ANKRD44: variants seen among roughly 807,000 people sequenced by gnomAD.
ANKRD44 encodes ankyrin repeat domain 44, also known as serine/threonine-protein phosphatase 6 regulatory ankyrin repeat subunit B.
A neutral mutation model predicts 116.0 loss-of-function variants in ANKRD44; 35 were observed. That is an observed-to-expected ratio of 0.30 (90% CI 0.23 to 0.40). The LOEUF (loss-of-function observed/expected upper bound fraction) is 0.40. Among genes scored for constraint, ANKRD44 ranks in the 10% least tolerant of loss-of-function variants. The probability of loss-of-function intolerance (pLI) is 1.00; values close to 1 mark genes in which losing one functional copy is unlikely to be tolerated. For synonymous variants in ANKRD44, 435 were observed against 461.8 expected (o/e 0.94, Z 0.74); for missense variants, 1,014 against 1,242.6 (o/e 0.82, Z 2.77).
intron 1 of ANKRD44, among the ~76,000 whole-genome samples, chr2:197,188,452 C>T (rs929635046): frequency 6.6e-6 from 1 of 152,162 alleles, no homozygotes; most frequent in Non-Finnish European, 1.5e-5. Context: ...GGAACAGTGG[C>T]AGGCTTTAGG....
At chr2:197,044,824 A>C (rs1303821668) in intron 16 of ANKRD44, among the ~76,000 whole-genome samples, 4 of 152,162 alleles carry the variant, frequency 2.6e-5, no homozygotes, top group African/African-American at 7.2e-5. Flanking sequence ...ATTCCTAGCA[A>C]TTCCATAAAA....
chr2:197,083,344 G>A (rs776173246), intron 14 of ANKRD44, 25 bp downstream of exon 14: 27 of 1,602,852 alleles, frequency 1.7e-5, no homozygotes, highest in Non-Finnish European at 1.2e-5. Context: ...GTTCCCAGAG[G>A]AAGCATGAGC....
chr2:197,238,963 C>T (rs932695241), intron 1 of ANKRD44, among the ~76,000 whole-genome samples: 2 of 152,114 alleles, frequency 1.3e-5, no homozygotes, highest in African/African-American at 2.4e-5. Flanking sequence ...TCCTGGCCCC[C>T]CAACCCGCCT....
chr2:196,986,639 A>C, downstream of ANKRD44: 1 of 920,188 alleles, frequency 1.1e-6, no homozygotes, highest in Non-Finnish European at 1.3e-6. Flanking sequence ...AAAAAGCATA[A>C]ATTGGAAAAA....
rs575453018 is a variant in ANKRD44 at position 197,125,677 on chromosome 2, T to A, written c.462+160A>T. 9.5e-4 allele frequency among the ~76,000 whole-genome samples: 145 copies of A among 152,362 alleles called. 1 individual carries two copies. The highest frequency in any genetic ancestry group is 3.2e-3 in the African/African-American group (135 of 41,586). ...CTGAAGTGACAGCCTACTTTTTCAA[T>A]TCATTGTGGCTCTAAAGTTGAGAAT... On this transcript the variant is annotated intron_variant, in intron 5 of 27. Coordinates refer to ENST00000282272, the MANE Select transcript of ANKRD44 (RefSeq NM_001195144.2).
At chr2:197,125,768 G>T in intron 5 of ANKRD44, 69 bp downstream of exon 5, 1 of 1,485,000 alleles carries the variant, frequency 6.7e-7, no homozygotes, top group Middle Eastern at 2.4e-4. Context: ...TCAGCAAGAA[G>T]ATCAGTTTCC....
At chr2:197,274,000 T>TCTATATAG (rs2082998020) in intron 1 of ANKRD44, among the ~76,000 whole-genome samples, 1 of 54,416 alleles carries the variant, frequency 1.8e-5, no homozygotes, top group Non-Finnish European at 3.2e-5. Context: ...TATATATATA[T>TCTATATAG]ATATATATAT....
intron 2 of ANKRD44, 92 bp from the exon 3 acceptor site, chr2:197,147,197 G>T: frequency 1.0e-6 from 1 of 1,001,438 alleles, no homozygotes; most frequent in Non-Finnish European, 1.6e-6. Flanking sequence ...TCACTCTGTG[G>T]TTAATGCATG....
chr2:197,122,787 A>C lies in ANKRD44; in HGVS notation c.556T>G (p.Leu186Val), dbSNP rs149911033. The C allele has an allele frequency of 2.0e-4, 325 of 1,612,804 alleles. 1 individual carries two copies. Among genetic ancestry groups the C allele is most frequent in the Non-Finnish European group, 2.5e-4 (294 of 1,179,576 alleles). ...TTAATGAGCAATGCTACAACATCCA[A>C]GTGGCCTTTACAAACAAAGCAGCAG... The part of the protein sequence containing the change: ...ALHWAAYMGH[L>V]DVVALLINHG... The change falls in exon 7 of 28, where the codon TTG becomes GTG. Residue 186 changes from leucine to valine, a missense_variant. By Grantham distance (32) the Leu-to-Val change is conservative. Coordinates refer to ENST00000282272, the MANE Select transcript of ANKRD44 (RefSeq NM_001195144.2).
chr2:197,284,030 G>A (rs527452699), intron 1 of ANKRD44, among the ~76,000 whole-genome samples: 1 of 152,278 alleles, frequency 6.6e-6, no homozygotes, highest in African/African-American at 2.4e-5. Context: ...CCCGTTTGCT[G>A]GATCTATCTA....
intron 1 of ANKRD44, among the ~76,000 whole-genome samples, chr2:197,231,383 C>T (rs1203425164): frequency 2.0e-5 from 3 of 152,002 alleles, no homozygotes; most frequent in Non-Finnish European, 4.4e-5. Flanking sequence ...GAGCTATGAT[C>T]GTGCCACTGT....
intron 2 of ANKRD44, among the ~76,000 whole-genome samples, chr2:197,161,850 AC>A (rs2079973418): frequency 6.6e-6 from 1 of 152,060 alleles, no homozygotes; most frequent in Non-Finnish European, 1.5e-5. Flanking sequence ...CCTCATGTCT[AC>A]TCTAGATTGG....
In ANKRD44 at chr2:196,988,464, A is replaced by G. The variant is rs146868930; in HGVS notation, c.*1127T>C. The G allele has an allele frequency of 2.6e-4, 252 of 985,438 alleles. 1 individual carries two copies. In the African/African-American group the frequency reaches 4.2e-3, roughly 16 times the overall value. The allele number at this position is 985,438 out of a possible 1,614,324, so 61.0% of individuals were successfully genotyped here. A position where few individuals can be genotyped will look rare whatever the true frequency, so the allele number is the denominator to read the frequency against. ...AATGGTGGTGGTGTGGAAAATTTTC[A>G]GTGAAATCAATACCAGTTCAATAAA... On this transcript the variant is annotated 3_prime_UTR_variant, in exon 28 of 28. Transcript: ENST00000282272.
Position 196,987,698 on chromosome 2 carries a change from T to C in ANKRD44, c.*1893A>G. The C allele has an allele frequency of 3.0e-6, 3 of 985,418 alleles. No individual in the cohort carries two copies. Among genetic ancestry groups the C allele is most frequent in the Non-Finnish European group, 3.6e-6 (3 of 829,920 alleles). 61.0% of individuals were successfully genotyped at this position (985,418 alleles called of 1,614,324 possible). ...TAGCAGATTTTAGGCAATTTGGAGATAGTAATGTATTTAGCAAAGACAGGC... is the reference window on the plus strand; with the variant it reads ...TAGCAGATTTTAGGCAATTTGGAGACAGTAATGTATTTAGCAAAGACAGGC... On this transcript the variant is annotated 3_prime_UTR_variant, in exon 28 of 28. Transcript: ENST00000282272.
At chr2:197,028,134 A>G (rs542841671) in intron 16 of ANKRD44, among the ~76,000 whole-genome samples, 1 of 152,354 alleles carries the variant, frequency 6.6e-6, no homozygotes, top group South Asian at 2.1e-4. Context: ...AGAAAAAATA[A>G]TAACTAGCAA....
intron 6 of ANKRD44, among the ~76,000 whole-genome samples, chr2:197,124,963 TCTTC>T (rs199704162): frequency 1.2e-5 from 1 of 83,610 alleles, no homozygotes; most frequent in East Asian, 1.8e-3. Context: ...GTTTGTCTTT[TCTTC>T]CTTTCTTTTT....
At chr2:197,278,759 C>T (rs981114317) in intron 1 of ANKRD44, among the ~76,000 whole-genome samples, 1 of 152,224 alleles carries the variant, frequency 6.6e-6, no homozygotes, top group African/African-American at 2.4e-5. Context: ...TCTTCCCCAC[C>T]ACCCCTTTCC....
intron 1 of ANKRD44, among the ~76,000 whole-genome samples, chr2:197,272,624 G>GTTTGT (rs1452025430): frequency 2.6e-5 from 4 of 152,206 alleles, no homozygotes; most frequent in African/African-American, 7.2e-5. Context: ...AGACTAAAAA[G>GTTTGT]TTTGTTTTGT....
chr2:197,217,978 G>T (rs911112277), intron 1 of ANKRD44, among the ~76,000 whole-genome samples: 9 of 152,044 alleles, frequency 5.9e-5, no homozygotes, highest in African/African-American at 2.2e-4. Flanking sequence ...TCCTATTGAT[G>T]GATAGAATAA....
Sources: allele counts gnomAD v4.1 joint callset (sites outside exome capture counted in the v4.1 genomes callset), GRCh38; gene constraint gnomAD v4.1.1; transcripts MANE v1.5; gene names NCBI Gene and HGNC (gene_info 2026-07-23, HGNC 2026-07-21).